The following NCALD variants were observed in gnomAD, a reference collection of about 807,000 sequenced individuals.
The protein encoded by NCALD is neurocalcin delta, also known as neurocalcin-delta.
Under a neutral mutation model 18.6 loss-of-function variants are expected in NCALD, and 10 were observed. The ratio of observed to expected loss-of-function variants is 0.54; its 90% CI spans 0.33 to 0.91. NCALD has a LOEUF of 0.91. Among genes scored for constraint, NCALD ranks in the 40% least tolerant of loss-of-function variants. NCALD has a pLI of 0.03. For synonymous variants in NCALD, 88 were observed against 87.4 expected, an observed-to-expected ratio of 1.01 and a Z score of -0.04; for missense variants, 184 against 247.6, an observed-to-expected ratio of 0.74 and a Z score of 1.72.
intron 2 of NCALD, among the ~76,000 whole-genome samples, chr8:101,966,834 A>G (rs904530460): frequency 1.3e-5 from 2 of 152,134 alleles, no homozygotes; most frequent in African/African-American, 4.8e-5. Context: ...AATGATGAAG[A>G]TGGAAATAAC....
intron 1 of NCALD, among the ~76,000 whole-genome samples, chr8:101,759,012 T>C (rs16868359): frequency 0.017 from 2,574 of 152,250 alleles, 99 homozygotes; most frequent in East Asian, 0.12. Flanking sequence ...CCCAACTTAC[T>C]TCATACATCA....
At position 101,755,904 on chromosome 8, in the gene NCALD, G is replaced by A. The variant is rs529214777; in HGVS notation, c.-20+34958C>T. On this transcript the variant is annotated intron_variant, in intron 1 of 3. Transcript: ENST00000220931. ...CAGTGAAAACATATAGTGGTGACAA[G>A]AGATTCTCAACAGGTTAAATGCTAC... Among the ~76,000 whole-genome samples, 7 of 152,320 alleles carry A rather than the reference G, an allele frequency of 4.6e-5. No individual in the cohort carries two copies. In the South Asian group the frequency reaches 1.2e-3, roughly 27 times the overall value.
At chr8:102,121,470 C>T (rs1287691821) in intron 1 of NCALD, among the ~76,000 whole-genome samples, 1 of 152,140 alleles carries the variant, frequency 6.6e-6, no homozygotes, top group African/African-American at 2.4e-5. Context: ...GCTTTGGTGA[C>T]TGCAGATTTC....
intron 3 of NCALD, chr8:101,691,146 G>A: frequency 3.0e-6 from 3 of 985,382 alleles, no homozygotes; most frequent in Non-Finnish European, 3.6e-6. Context: ...CTGGGGTCCA[G>A]CAGCCAAGCA....
At chr8:101,928,551 G>C (rs1182470030) in intron 2 of NCALD, among the ~76,000 whole-genome samples, 1 of 151,326 alleles carries the variant, frequency 6.6e-6, no homozygotes, top group Non-Finnish European at 1.5e-5. Flanking sequence ...GTACTCTGAA[G>C]TGCAAATACC....
intron 1 of NCALD, among the ~76,000 whole-genome samples, chr8:102,029,553 TTC>T (rs1180956027): frequency 6.6e-6 from 1 of 152,230 alleles, no homozygotes; most frequent in Admixed American, 6.5e-5. Flanking sequence ...TTGTGGGTGA[TTC>T]TGTTTCATGT....
intron 1 of NCALD, among the ~76,000 whole-genome samples, chr8:101,734,799 C>A (rs1197778591): frequency 1.3e-5 from 2 of 152,212 alleles, no homozygotes; most frequent in Non-Finnish European, 1.5e-5. Flanking sequence ...ACAACAACAA[C>A]CCACAGTGTT....
chr8:101,753,954 C>T (rs371676769), intron 1 of NCALD, among the ~76,000 whole-genome samples: 4 of 152,190 alleles, frequency 2.6e-5, no homozygotes, highest in Non-Finnish European at 5.9e-5. Context: ...CAGTTGACAG[C>T]ATCCTAATAA....
intron 2 of NCALD, among the ~76,000 whole-genome samples, chr8:101,927,435 G>A (rs1818376683): frequency 6.6e-6 from 1 of 152,214 alleles, no homozygotes; most frequent in Non-Finnish European, 1.5e-5. Flanking sequence ...CAGCGTAGCA[G>A]AGAAGGGTCT....
intron 1 of NCALD, among the ~76,000 whole-genome samples, chr8:101,766,490 T>C (rs1467337227): frequency 6.6e-6 from 1 of 152,196 alleles, no homozygotes; most frequent in African/African-American, 2.4e-5. Context: ...TAACCTGAGC[T>C]TCTAAGTTGT....
chr8:101,991,840 G>A (rs1460983914), intron 2 of NCALD, among the ~76,000 whole-genome samples: 1 of 152,176 alleles, frequency 6.6e-6, no homozygotes, highest in Non-Finnish European at 1.5e-5. Flanking sequence ...GAAAACCACT[G>A]ACCACCACGC....
chr8:101,892,765 A>C (rs932539320), intron 3 of NCALD, among the ~76,000 whole-genome samples: 1 of 150,378 alleles, frequency 6.6e-6, no homozygotes, highest in Non-Finnish European at 1.5e-5. Context: ...GGGTATCAGC[A>C]ATGGAAGATG....
chr8:101,945,968 T>C (rs560099919), intron 2 of NCALD, among the ~76,000 whole-genome samples: 1 of 152,240 alleles, frequency 6.6e-6, no homozygotes, highest in Non-Finnish European at 1.5e-5. Context: ...ACCTCATCTA[T>C]GATTGTCTCC....
intron 1 of NCALD, among the ~76,000 whole-genome samples, chr8:102,063,124 C>T (rs961801136): frequency 2.0e-5 from 3 of 152,124 alleles, no homozygotes; most frequent in African/African-American, 7.2e-5. Context: ...GCCAATAAAA[C>T]TCAAAATAAC....
rs140882064 is a variant in NCALD at position 101,971,998 on chromosome 8, T to C, written c.-157+48239A>G. Among the ~76,000 whole-genome samples, 499 of 152,310 alleles carry C rather than the reference T, an allele frequency of 3.3e-3. 4 individuals are homozygous for C. The highest frequency in any genetic ancestry group is 2.5e-3 in the Non-Finnish European group (168 of 68,030). On this transcript the variant is annotated intron_variant, in intron 2 of 6. Transcript: ENST00000311028. Reference sequence around the variant, plus strand: ...TTGGGCTCTTAGATTCATCTTGGGTTGGAAGAGAATTGGACCTGAACAGCC... The same window carrying C: ...TTGGGCTCTTAGATTCATCTTGGGTCGGAAGAGAATTGGACCTGAACAGCC...
At chr8:101,731,477 A>G (rs1401936584) in intron 1 of NCALD, among the ~76,000 whole-genome samples, 1 of 152,098 alleles carries the variant, frequency 6.6e-6, no homozygotes, top group Non-Finnish European at 1.5e-5. Flanking sequence ...ACCCCCTAAG[A>G]TGAGAATTAA....
intron 4 of NCALD, among the ~76,000 whole-genome samples, chr8:101,799,558 A>G (rs377700059): frequency 1.3e-5 from 2 of 152,342 alleles, no homozygotes; most frequent in East Asian, 3.9e-4. Flanking sequence ...AATGAACTGT[A>G]CTATATCCAC....
chr8:101,881,712 G>A (rs1290086795), intron 4 of NCALD, among the ~76,000 whole-genome samples: 1 of 151,292 alleles, frequency 6.6e-6, no homozygotes, highest in Non-Finnish European at 1.5e-5. Flanking sequence ...ATTTTCTAAG[G>A]CTTTAACAAA....
At chr8:101,970,754 GC>G (rs1460549352) in intron 2 of NCALD, among the ~76,000 whole-genome samples, 1 of 152,114 alleles carries the variant, frequency 6.6e-6, no homozygotes, top group Non-Finnish European at 1.5e-5. Flanking sequence ...GTTCAAATCT[GC>G]CCCCTCACCC....
Sources: gnomAD v4.1 joint callset for allele counts (sites outside exome capture counted in the v4.1 genomes callset) on GRCh38, gnomAD v4.1.1 for gene constraint, MANE v1.5 for transcripts, NCBI Gene and HGNC (gene_info 2026-07-23, HGNC 2026-07-21) for gene names.